The following FLT1 variants were observed in gnomAD, a reference collection of about 807,000 sequenced individuals.
FLT1 encodes fms related receptor tyrosine kinase 1, also known as vascular endothelial growth factor receptor 1.
Under a neutral mutation model 156.3 loss-of-function variants are expected in FLT1, and 49 were observed. The ratio of observed to expected loss-of-function variants is 0.31; its 90% CI spans 0.25 to 0.40. The LOEUF (loss-of-function observed/expected upper bound fraction) is 0.40. Among genes scored for constraint, FLT1 ranks in the 10% least tolerant of loss-of-function variants. The pLI, the probability that FLT1 is intolerant of heterozygous loss-of-function variation, is 1.00. For missense variants in FLT1, 1,322 were observed against 1,637.2 expected (o/e 0.81, Z 3.32); for synonymous variants, 594 against 583.8 (o/e 1.02, Z -0.25).
chr13:28,446,500 A>G (rs149281160), intron 3 of FLT1, among the ~76,000 whole-genome samples: 101 of 152,326 alleles, frequency 6.6e-4, no homozygotes, highest in African/African-American at 2.3e-3. Context: ...ATTCCTATAC[A>G]TTTGCGATGA....
chr13:28,437,832 C>T (rs1176867558), intron 4 of FLT1, among the ~76,000 whole-genome samples: 4 of 152,278 alleles, frequency 2.6e-5, no homozygotes, highest in Admixed American at 2.0e-4. Flanking sequence ...GCCTGGAGAA[C>T]TGGGCACCCT....
At chr13:28,462,885 C>A (rs1879663768) in intron 3 of FLT1, among the ~76,000 whole-genome samples, 2 of 152,184 alleles carry the variant, frequency 1.3e-5, no homozygotes, top group Admixed American at 6.5e-5. Flanking sequence ...GGCCTTCCTG[C>A]CTCAGTCTTG....
At chr13:28,400,851 ATAAT>A in intron 11 of FLT1, among the ~76,000 whole-genome samples, 1 of 152,348 alleles carries the variant, frequency 6.6e-6, no homozygotes, top group East Asian at 1.9e-4. Flanking sequence ...TATTAGTGCT[ATAAT>A]TAGTTTTCAT....
At chr13:28,330,593 T>C (rs1045851160) in intron 18 of FLT1, among the ~76,000 whole-genome samples, 3 of 143,462 alleles carry the variant, frequency 2.1e-5, no homozygotes, top group Admixed American at 1.4e-4. Context: ...AGGTCCTATA[T>C]ATATATATAT....
intron 14 of FLT1, chr13:28,368,632 CGAT>C: frequency 7.8e-7 from 1 of 1,274,376 alleles, no homozygotes; most frequent in Non-Finnish European, 1.1e-6. Context: ...GTGATGATGA[CGAT>C]GACGATGGTG....
intron 14 of FLT1, among the ~76,000 whole-genome samples, chr13:28,382,000 G>A (rs1044061945): frequency 6.6e-6 from 1 of 152,126 alleles, no homozygotes; most frequent in Admixed American, 6.5e-5. Context: ...AGACAAATAA[G>A]ATAAACTATC....
At chr13:28,352,470 G>A (rs180950202) in intron 15 of FLT1, among the ~76,000 whole-genome samples, 3 of 152,252 alleles carry the variant, frequency 2.0e-5, no homozygotes, top group Admixed American at 6.5e-5. Flanking sequence ...TAGTTTCTAC[G>A]GAAGGAATTA....
intron 1 of FLT1, among the ~76,000 whole-genome samples, chr13:28,481,533 G>T (rs142700799): frequency 7.1e-4 from 108 of 151,852 alleles, no homozygotes; most frequent in African/African-American, 2.4e-3. Flanking sequence ...TCCTAGAAGG[G>T]CCTCAGACCC....
At chr13:28,365,499 G>A (rs1031712172) in intron 14 of FLT1, among the ~76,000 whole-genome samples, 3 of 152,024 alleles carry the variant, frequency 2.0e-5, no homozygotes, top group South Asian at 4.1e-4. Flanking sequence ...TTACAGGTGT[G>A]CACCACCAAG....
chr13:28,485,501 C>A (rs1881100330), intron 1 of FLT1, among the ~76,000 whole-genome samples: 1 of 152,024 alleles, frequency 6.6e-6, no homozygotes, highest in Non-Finnish European at 1.5e-5. Flanking sequence ...TTAGAAGGGT[C>A]AAGACATTAT....
At chr13:28,370,586 C>G (rs964193674) in intron 14 of FLT1, among the ~76,000 whole-genome samples, 2 of 152,174 alleles carry the variant, frequency 1.3e-5, no homozygotes, top group Non-Finnish European at 2.9e-5. Context: ...AAAATGAAAG[C>G]ATCTTTGTGC....
rs1880776842 is a variant in FLT1, at chr13:28,480,572, A to G, written c.65-12955T>C. The stretch of plus-strand genomic sequence containing the variant: ...TGAAGAATCAATGTGTATTTGCTAA[A>G]AGAAATAGCAGGGTCTCTTTCTCCT... On this transcript the variant is annotated intron_variant, in intron 1 of 29. Coordinates refer to ENST00000282397, the MANE Select transcript of FLT1 (RefSeq NM_002019.4). 4.6e-5 allele frequency among the ~76,000 whole-genome samples: 7 copies of G among 152,306 alleles called. 1 individual carries two copies. In the South Asian group the frequency reaches 1.5e-3, roughly 32 times the overall value.
chr13:28,387,079 G>A, intron 13 of FLT1: 2 of 1,035,684 alleles, frequency 1.9e-6, no homozygotes, highest in Non-Finnish European at 2.3e-6. Flanking sequence ...TGTTTAAAGA[G>A]AAGAGAACAT....
chr13:28,448,952 A>C (rs1157259057), intron 3 of FLT1, among the ~76,000 whole-genome samples: 1 of 152,088 alleles, frequency 6.6e-6, no homozygotes, highest in Non-Finnish European at 1.5e-5. Context: ...CAAAAAATAA[A>C]ATTTTCCCCT....
intron 1 of FLT1, among the ~76,000 whole-genome samples, chr13:28,472,441 T>C (rs1031303024): frequency 2.0e-5 from 3 of 152,204 alleles, no homozygotes; most frequent in Non-Finnish European, 4.4e-5. Flanking sequence ...CTTGTAAAAC[T>C]CAAGACTCTC....
At chr13:28,411,257 A>T (rs966556301) in intron 10 of FLT1, among the ~76,000 whole-genome samples, 1 of 148,746 alleles carries the variant, frequency 6.7e-6, no homozygotes, top group African/African-American at 2.5e-5. Flanking sequence ...TTTTATCATT[A>T]AAAAAAAAAT....
chr13:28,443,241 G>A (rs1016568055), intron 3 of FLT1, among the ~76,000 whole-genome samples: 2 of 152,162 alleles, frequency 1.3e-5, no homozygotes, highest in Non-Finnish European at 2.9e-5. Flanking sequence ...ACAACAAGTG[G>A]GCTCAGACAC....
At chr13:28,489,585 T>G (rs1881361286) in intron 1 of FLT1, among the ~76,000 whole-genome samples, 1 of 152,074 alleles carries the variant, frequency 6.6e-6, no homozygotes, top group Non-Finnish European at 1.5e-5. Flanking sequence ...CTGGGCTGGA[T>G]CTTGCCAGCA....
intron 29 of FLT1, among the ~76,000 whole-genome samples, chr13:28,304,428 A>C (rs1313576564): frequency 6.6e-6 from 1 of 151,960 alleles, no homozygotes. Context: ...TGCTAACTAC[A>C]TCACTTGGAG....
Sources: gnomAD v4.1 joint callset for allele counts (sites outside exome capture counted in the v4.1 genomes callset) on GRCh38, gnomAD v4.1.1 for gene constraint, MANE v1.5 for transcripts, NCBI Gene and HGNC (gene_info 2026-07-23, HGNC 2026-07-21) for gene names.